Variants in PITPNC1 observed in about 807,000 individuals in gnomAD.
The protein encoded by PITPNC1 is phosphatidylinositol transfer protein cytoplasmic 1, also known as cytoplasmic phosphatidylinositol transfer protein 1.
PITPNC1 carries 18 observed loss-of-function variants against 44.7 expected under a neutral mutation model. The ratio of observed to expected loss-of-function variants is 0.40; its 90% CI spans 0.28 to 0.60. The LOEUF (loss-of-function observed/expected upper bound fraction) is 0.60. Among genes scored for constraint, PITPNC1 ranks in the 20% least tolerant of loss-of-function variants. The pLI is 0.39. For synonymous variants in PITPNC1, 141 were observed against 149.6 expected (o/e 0.94, Z 0.42); for missense variants, 290 against 418.4 (o/e 0.69, Z 2.68).
At chr17:67,475,833 G>C (rs2039618588) in intron 1 of PITPNC1, among the ~76,000 whole-genome samples, 1 of 152,114 alleles carries the variant, frequency 6.6e-6, no homozygotes, top group Non-Finnish European at 1.5e-5. Context: ...CAAGGTTCTG[G>C]CTGGGATGCC....
intron 1 of PITPNC1, among the ~76,000 whole-genome samples, chr17:67,418,892 T>C (rs892794110): frequency 1.3e-5 from 2 of 152,116 alleles, no homozygotes; most frequent in Admixed American, 1.3e-4. Flanking sequence ...GAATTTTGCT[T>C]AATAGAATCA....
chr17:67,636,150 T>G (rs1392717850), intron 6 of PITPNC1, among the ~76,000 whole-genome samples: 1 of 151,948 alleles, frequency 6.6e-6, no homozygotes, highest in Non-Finnish European at 1.5e-5. Flanking sequence ...TTCAAAAAAT[T>G]AGCCGGCCAT....
intron 8 of PITPNC1, among the ~76,000 whole-genome samples, chr17:67,681,744 A>C (rs2042712699): frequency 6.6e-6 from 1 of 152,192 alleles, no homozygotes. Context: ...TGAGAAAAAC[A>C]AGAAAATAGG....
At chr17:67,682,220 G>A (rs1431669329) in intron 8 of PITPNC1, among the ~76,000 whole-genome samples, 1 of 152,066 alleles carries the variant, frequency 6.6e-6, no homozygotes, top group Non-Finnish European at 1.5e-5. Context: ...AAAAGAAAAA[G>A]AAATACAAAT....
In PITPNC1 at chr17:67,499,102, G is replaced by T. The variant is rs183319338; in HGVS notation, c.49-33700G>T. Among the ~76,000 whole-genome samples the T allele has an allele frequency of 2.6e-3, 400 of 152,198 alleles. 1 individual carries two copies. The highest frequency in any genetic ancestry group is 4.6e-3 in the Non-Finnish European group (314 of 67,988). ...TTAGCCAGGCTGGTCTCGAACTCCTGACCTCCAGTGATCTGCCTGCCTCAG... is the reference window on the plus strand; with the variant it reads ...TTAGCCAGGCTGGTCTCGAACTCCTTACCTCCAGTGATCTGCCTGCCTCAG... On this transcript the variant is annotated intron_variant, in intron 1 of 8. Transcript: ENST00000581322.
rs1159742955 is a variant in PITPNC1, at chr17:67,444,095, A to G, written c.48+65893A>G. ...TGAACCCACATGTACCCATCATCCA[A>G]CTAGAACAATGTGGGTTCATCAGGT... is the stretch of plus-strand genomic sequence containing the variant. On this transcript the variant is annotated intron_variant, in intron 1 of 8. Transcript: ENST00000581322. Among the ~76,000 whole-genome samples, 2 of 152,038 alleles carry G rather than the reference A, an allele frequency of 1.3e-5. 1 individual carries two copies. Among genetic ancestry groups the G allele is most frequent in the Non-Finnish European group, 2.9e-5 (2 of 67,970 alleles).
At chr17:67,658,672 T>C (rs1217491766) in intron 6 of PITPNC1, among the ~76,000 whole-genome samples, 3 of 152,208 alleles carry the variant, frequency 2.0e-5, no homozygotes, top group Non-Finnish European at 4.4e-5. Flanking sequence ...TTTATTTCCC[T>C]GCCTCTGGTG....
chr17:67,548,621 A>C (rs1216972315), intron 2 of PITPNC1, among the ~76,000 whole-genome samples: 1 of 152,040 alleles, frequency 6.6e-6, no homozygotes, highest in African/African-American at 2.4e-5. Context: ...TAAGAAACCA[A>C]AGCTTTTGAA....
At chr17:67,427,450 G>A (rs1196239154) in intron 1 of PITPNC1, among the ~76,000 whole-genome samples, 2 of 152,084 alleles carry the variant, frequency 1.3e-5, no homozygotes, top group Non-Finnish European at 2.9e-5. Flanking sequence ...CTGACCTTGT[G>A]ATCCTCCTGC....
intron 4 of PITPNC1, among the ~76,000 whole-genome samples, chr17:67,560,329 A>T (rs1229033904): frequency 6.6e-6 from 1 of 152,212 alleles, no homozygotes; most frequent in Non-Finnish European, 1.5e-5. Context: ...TCTAAATTTC[A>T]GTGAGCTAAT....
intron 5 of PITPNC1, among the ~76,000 whole-genome samples, chr17:67,594,380 T>A (rs553176630): frequency 1.3e-5 from 2 of 152,352 alleles, no homozygotes; most frequent in East Asian, 3.9e-4. Flanking sequence ...GAAGTCAGTG[T>A]AACTTGGGGA....
intron 2 of PITPNC1, among the ~76,000 whole-genome samples, chr17:67,540,638 CAT>C (rs2040593790): frequency 6.6e-6 from 1 of 152,016 alleles, no homozygotes; most frequent in East Asian, 1.9e-4. Flanking sequence ...CACAATTAAA[CAT>C]AATATTTTAA....
intron 5 of PITPNC1, among the ~76,000 whole-genome samples, chr17:67,587,279 G>T (rs1247337003): frequency 6.6e-6 from 1 of 150,934 alleles, no homozygotes; most frequent in East Asian, 1.9e-4. Flanking sequence ...TTGCACCCAA[G>T]AGTTCAAGGC....
At chr17:67,648,204 G>A (rs947087325) in intron 6 of PITPNC1, among the ~76,000 whole-genome samples, 1 of 152,206 alleles carries the variant, frequency 6.6e-6, no homozygotes, top group Non-Finnish European at 1.5e-5. Flanking sequence ...CTGTTGGCAT[G>A]CTGCAACTCA....
intron 6 of PITPNC1, among the ~76,000 whole-genome samples, chr17:67,656,852 C>T (rs1382073725): frequency 1.3e-5 from 2 of 152,090 alleles, no homozygotes; most frequent in African/African-American, 2.4e-5. Flanking sequence ...AGTGCTATAA[C>T]AAGAGTTTGA....
At chr17:67,600,309 C>A (rs1016611373) in intron 5 of PITPNC1, among the ~76,000 whole-genome samples, 1 of 152,032 alleles carries the variant, frequency 6.6e-6, no homozygotes, top group African/African-American at 2.4e-5. Flanking sequence ...AAAACGACCC[C>A]GCAAATCTAA....
In PITPNC1 at chr17:67,445,293, A is replaced by G. The variant is rs373550104; in HGVS notation, c.48+67091A>G. On this transcript the variant is annotated intron_variant, in intron 1 of 8. Transcript: ENST00000581322. Reference sequence around the variant, plus strand: ...GACGTTAGGCAGATAAGGGAACTCCAGAGAATAACTTTTATTCTGTGTTTT... The same window carrying G: ...GACGTTAGGCAGATAAGGGAACTCCGGAGAATAACTTTTATTCTGTGTTTT... Among the ~76,000 whole-genome samples the G allele has an allele frequency of 9.9e-4, 150 of 152,106 alleles. 1 individual carries two copies. Among genetic ancestry groups the G allele is most frequent in the Middle Eastern group, 3.4e-3 (1 of 292 alleles).
At chr17:67,524,663 T>C (rs2040372032) in intron 1 of PITPNC1, 1 of 152,004 alleles carries the variant, frequency 6.6e-6, no homozygotes, top group Non-Finnish European at 1.5e-5. Context: ...TGGCAGTACT[T>C]GATCTTTATT....
At chr17:67,689,551 G>A (rs2042883106) in intron 8 of PITPNC1, among the ~76,000 whole-genome samples, 1 of 152,170 alleles carries the variant, frequency 6.6e-6, no homozygotes, top group Admixed American at 6.5e-5. Context: ...AACTGCATGG[G>A]TGCTAAATGA....
Sources: allele counts gnomAD v4.1 joint callset (sites outside exome capture counted in the v4.1 genomes callset), GRCh38; gene constraint gnomAD v4.1.1; transcripts MANE v1.5; gene names NCBI Gene and HGNC (gene_info 2026-07-23, HGNC 2026-07-21).